Variants in ACACB observed in about 807,000 individuals in gnomAD.
The protein encoded by ACACB is acetyl-CoA carboxylase 2.
ACACB carries 209 observed loss-of-function variants against 278.8 expected under a neutral mutation model. That is an observed-to-expected ratio of 0.75 (90% CI 0.67 to 0.84). The LOEUF is 0.84. Ranked by LOEUF, ACACB falls within the 40% of genes least tolerant of loss-of-function variation. The pLI is 0.00. For synonymous variants in ACACB, 1,174 were observed against 1,285.6 expected, an observed-to-expected ratio of 0.91 and a Z score of 1.86; for missense variants, 2,850 against 3,269.0, an observed-to-expected ratio of 0.87 and a Z score of 3.13.
chr12:109,113,134 C>T (rs561060782), upstream of ACACB: 1 of 152,344 alleles, frequency 6.6e-6, no homozygotes, highest in South Asian at 2.1e-4. Flanking sequence ...GAACCACAGT[C>T]TGCAGACCCC....
chr12:109,127,624 A>C (rs1048020914), intron 1 of ACACB, among the ~76,000 whole-genome samples: 11 of 151,872 alleles, frequency 7.2e-5, no homozygotes, highest in Non-Finnish European at 1.6e-4. Flanking sequence ...TAAAGTTCTT[A>C]GTATTTGCAG....
In ACACB at chr12:109,118,617, T is replaced by G. The variant is rs138616341; in HGVS notation, c.-10+1913T>G. Among the ~76,000 whole-genome samples the G allele has an allele frequency of 5.1e-4, 78 of 152,254 alleles. No individual in the cohort carries two copies. In the East Asian group the frequency reaches 0.015, roughly 29 times the overall value. On this transcript the variant is annotated intron_variant, in intron 1 of 52. Coordinates refer to ENST00000338432, the MANE Select transcript of ACACB (RefSeq NM_001093.4). ...TTAGTAGAGATGGGGTTTTGCCATGTTGGCCAGGCTGGTCTCGAACTCCTG... is the reference window on the plus strand; with the variant it reads ...TTAGTAGAGATGGGGTTTTGCCATGGTGGCCAGGCTGGTCTCGAACTCCTG...
Position 109,262,480 on chromosome 12 carries a change from C to T in ACACB, c.6787+11C>T. The T allele has an allele frequency of 6.3e-7, 1 of 1,596,762 alleles. No individual in the cohort carries two copies. The highest frequency in any genetic ancestry group is 1.3e-5 in the African/African-American group (1 of 74,692). On this transcript the variant is annotated intron_variant, in intron 49 of 52. Transcript: ENST00000338432. ...TCATGGAACAGCTAGGTAAGGGGGT[C>T]CCAAAGGCTTCACCTCTCAGAGGTC...
chr12:109,127,724 G>C (rs940368704), intron 1 of ACACB, among the ~76,000 whole-genome samples: 2 of 152,190 alleles, frequency 1.3e-5, no homozygotes, highest in Admixed American at 1.3e-4. Context: ...TTGTTCCTCT[G>C]GTGTAAGGGA....
Position 109,167,942 on chromosome 12 carries a change from C to T in ACACB, c.833C>T (p.Ser278Phe), listed in dbSNP as rs763366636. The T allele has an allele frequency of 1.5e-5, 24 of 1,613,826 alleles. No individual in the cohort carries two copies. The highest frequency in any genetic ancestry group is 1.4e-4 in the South Asian group (13 of 91,078). The stretch of plus-strand genomic sequence containing the variant: ...ATTGCCGCCGTGAAGTGCATGCGCT[C>T]CATCCGCAGGTGGGCCTATGAGATG... ...NGIAAVKCMR[S>F]IRRWAYEMFR... Residue 278 changes from serine to phenylalanine, a missense_variant, in exon 4 of 53, where the codon TCC (serine) becomes TTC (phenylalanine). Coordinates refer to ENST00000338432, the MANE Select transcript of ACACB (RefSeq NM_001093.4).
intron 1 of ACACB, among the ~76,000 whole-genome samples, chr12:109,129,019 C>T (rs943212427): frequency 5.3e-5 from 8 of 151,724 alleles, no homozygotes; most frequent in African/African-American, 1.9e-4. Context: ...GTGGCTCAGG[C>T]CTGTAATCCC....
In ACACB at chr12:109,254,275, T is replaced by C; in HGVS notation, c.6107T>C (p.Phe2036Ser). ...GACCCCATTGACAGAGAAATTGAAT[T>C]CCTCCCATCCAGAGCTCCCTACGAC... ...PTDPIDREIE[F>S]LPSRAPYDPR... Residue 2036 changes from phenylalanine (F) to serine (S), a missense_variant, in exon 44 of 53, where the codon TTC becomes TCC. Coordinates refer to ENST00000338432, the MANE Select transcript of ACACB (RefSeq NM_001093.4). The C allele has an allele frequency of 1.2e-6, 2 of 1,612,766 alleles. No individual in the cohort carries two copies. The highest frequency in any genetic ancestry group is 1.7e-6 in the Non-Finnish European group (2 of 1,179,896).
intron 2 of ACACB, among the ~76,000 whole-genome samples, chr12:109,150,903 T>G (rs12823154): frequency 0.17 from 26,211 of 152,220 alleles, 2,560 homozygotes; most frequent in East Asian, 0.25. Flanking sequence ...AGAAACTCTC[T>G]TTTCAAGTCT....
At chr12:109,130,704 C>A (rs144937179) in intron 1 of ACACB, among the ~76,000 whole-genome samples, 2 of 152,184 alleles carry the variant, frequency 1.3e-5, no homozygotes, top group Non-Finnish European at 1.5e-5. Flanking sequence ...CAGCCTCTTA[C>A]GCCCCAGCAG....
chr12:109,208,828 A>G (rs995803194), intron 20 of ACACB, among the ~76,000 whole-genome samples: 4 of 152,238 alleles, frequency 2.6e-5, no homozygotes, highest in Non-Finnish European at 5.9e-5. Context: ...AAATGATAAC[A>G]TGAAAAGAAA....
intron 45 of ACACB, among the ~76,000 whole-genome samples, chr12:109,257,656 G>A (rs1169481611): frequency 2.6e-5 from 4 of 152,092 alleles, no homozygotes; most frequent in Non-Finnish European, 5.9e-5. Context: ...CTGCAGCCTT[G>A]ACCTCCTGGG....
intron 19 of ACACB, among the ~76,000 whole-genome samples, chr12:109,206,129 A>AAAC (rs778211250): frequency 3.3e-5 from 5 of 152,072 alleles, no homozygotes; most frequent in Non-Finnish European, 7.4e-5. Flanking sequence ...TTATAAAGCA[A>AAAC]AACAACAACA....
chr12:109,167,652 T>TATATATATATATATACAC (rs1245570636), intron 3 of ACACB, among the ~76,000 whole-genome samples: 1 of 140,812 alleles, frequency 7.1e-6, no homozygotes, highest in South Asian at 2.3e-4. Flanking sequence ...TATATATATA[T>TATATATATATATATACAC]ATTTCAGACA....
At chr12:109,125,825 C>G (rs1325657295) in intron 1 of ACACB, among the ~76,000 whole-genome samples, 1 of 152,202 alleles carries the variant, frequency 6.6e-6, no homozygotes, top group Non-Finnish European at 1.5e-5. Flanking sequence ...ATCTCGTGCT[C>G]TAACCAATGC....
Position 109,193,692 on chromosome 12 carries a change from T to C in ACACB, c.2444T>C (p.Val815Ala). Reference sequence around the variant, plus strand: ...GATTCACTACTGAACCTCGTAGATGTGGAATTAATTTACGGAGGTGTTAAG... The same window carrying C: ...GATTCACTACTGAACCTCGTAGATGCGGAATTAATTTACGGAGGTGTTAAG... The part of the protein sequence containing the change: ...PADSLLNLVD[V>A]ELIYGGVKYI... The change falls in exon 16 of 53, where the codon GTG becomes GCG. Residue 815 changes from valine to alanine, a missense_variant. Coordinates refer to ENST00000338432, the MANE Select transcript of ACACB (RefSeq NM_001093.4). 6.2e-7 allele frequency: 1 copy of C among 1,613,888 alleles called. No individual in the cohort carries two copies. Among genetic ancestry groups the C allele is most frequent in the Non-Finnish European group, 8.5e-7 (1 of 1,179,788 alleles).
At chr12:109,253,563 G>A (rs2047151131) in intron 43 of ACACB, among the ~76,000 whole-genome samples, 1 of 152,172 alleles carries the variant, frequency 6.6e-6, no homozygotes, top group South Asian at 2.1e-4. Flanking sequence ...TCTGTGAAAT[G>A]AGAATAATAA....
intron 12 of ACACB, 106 bp from the exon 13 acceptor site, chr12:109,187,893 T>C (rs1014504513): frequency 7.7e-7 from 1 of 1,301,532 alleles, no homozygotes; most frequent in African/African-American, 1.5e-5. Flanking sequence ...TACCCTAAGC[T>C]TTTGGTCAGC....
intron 27 of ACACB, among the ~76,000 whole-genome samples, chr12:109,225,926 T>C (rs755852347): frequency 3.9e-5 from 6 of 152,136 alleles, no homozygotes; most frequent in Non-Finnish European, 7.3e-5. Flanking sequence ...AAATAAAATA[T>C]ATTATTAAAA....
intron 9 of ACACB, among the ~76,000 whole-genome samples, chr12:109,177,445 T>C (rs1242973179): frequency 1.3e-5 from 2 of 152,214 alleles, no homozygotes; most frequent in South Asian, 2.1e-4. Flanking sequence ...TTGAAACACA[T>C]ATCAGTACAT....
Sources: gnomAD v4.1 joint callset for allele counts (sites outside exome capture counted in the v4.1 genomes callset) on GRCh38, gnomAD v4.1.1 for gene constraint, MANE v1.5 for transcripts, NCBI Gene and HGNC (gene_info 2026-07-23, HGNC 2026-07-21) for gene names.